Variants in CNTLN observed in about 807,000 individuals in gnomAD.
CNTLN encodes centlein.
In CNTLN, 212 loss-of-function variants were observed where a neutral mutation model predicts 180.0. The observed-to-expected ratio is 1.18, with a 90% confidence interval of 1.05 to 1.32. The LOEUF is 1.32. CNTLN is among the 40% of genes most tolerant of loss of function. The probability of loss-of-function intolerance (pLI) is 0.00; values close to 1 mark genes in which losing one functional copy is unlikely to be tolerated. For synonymous variants in CNTLN, 722 were observed against 563.1 expected, an observed-to-expected ratio of 1.28 and a Z score of -3.99; for missense variants, 2,095 against 1,610.9, an observed-to-expected ratio of 1.30 and a Z score of -5.14.
chr9:17,170,841 A>C (rs759701386), intron 2 of CNTLN, among the ~76,000 whole-genome samples: 2 of 152,280 alleles, frequency 1.3e-5, no homozygotes, highest in Non-Finnish European at 2.9e-5. Context: ...ATAAGATTAT[A>C]ATACCGTATT....
chr9:17,298,511 A>G, intron 7 of CNTLN, 159 bp downstream of exon 7: 1 of 1,320,214 alleles, frequency 7.6e-7, no homozygotes. Context: ...ATTTGATAAC[A>G]TTTAAAATTT....
chr9:17,367,337 A>C (rs564348481), intron 13 of CNTLN, among the ~76,000 whole-genome samples: 2 of 152,282 alleles, frequency 1.3e-5, no homozygotes, highest in South Asian at 2.1e-4. Flanking sequence ...CACCCATCCC[A>C]GTGGTTGGAA....
intron 8 of CNTLN, 152 bp from the exon 9 acceptor site, chr9:17,330,480 G>C (rs111902410): frequency 1.4e-5 from 6 of 442,240 alleles, no homozygotes; most frequent in African/African-American, 6.2e-5. Flanking sequence ...GAATGAAAAG[G>C]TTCAGCTCCT....
chr9:17,386,563 T>C lies in CNTLN; in HGVS notation c.1988-1599T>C, dbSNP rs72705775. 2.9e-3 allele frequency among the ~76,000 whole-genome samples: 438 copies of C among 152,248 alleles called. 1 individual carries two copies. The highest frequency in any genetic ancestry group is 4.4e-3 in the South Asian group (21 of 4,818). On this transcript the variant is annotated intron_variant, in intron 13 of 25. Transcript: ENST00000380647. ...AGAAAGAGAATCAAGGGCCAGAAAA[T>C]TGGATCCTTGTTTCTTTCCATGGCA...
At chr9:17,267,832 G>C (rs188298986) in intron 5 of CNTLN, among the ~76,000 whole-genome samples, 1 of 151,952 alleles carries the variant, frequency 6.6e-6, no homozygotes, top group Non-Finnish European at 1.5e-5. Flanking sequence ...TGATCGCATC[G>C]GCTAATGAGG....
At chr9:17,404,756 G>A (rs1010963461) in intron 15 of CNTLN, among the ~76,000 whole-genome samples, 1 of 51,850 alleles carries the variant, frequency 1.9e-5, no homozygotes, top group Non-Finnish European at 4.2e-5. Context: ...TTTTTTTTTT[G>A]AGACAGAGTC....
At chr9:17,185,573 T>C (rs1004778588) in intron 2 of CNTLN, among the ~76,000 whole-genome samples, 1 of 152,176 alleles carries the variant, frequency 6.6e-6, no homozygotes, top group Non-Finnish European at 1.5e-5. Context: ...TCCCTGTTAA[T>C]ATCTCTTGGT....
intron 22 of CNTLN, 95 bp downstream of exon 22, chr9:17,466,213 A>C (rs927824015): frequency 1.0e-5 from 11 of 1,060,136 alleles, no homozygotes; most frequent in Non-Finnish European, 1.4e-5. Context: ...CCAAAACCAC[A>C]AGCTACTTAA....
intron 2 of CNTLN, among the ~76,000 whole-genome samples, chr9:17,162,416 G>A (rs368132781): frequency 5.3e-5 from 8 of 152,098 alleles, no homozygotes; most frequent in African/African-American, 9.7e-5. Flanking sequence ...ACCCAGCCTC[G>A]TCTTGCTTTC....
intron 6 of CNTLN, among the ~76,000 whole-genome samples, chr9:17,279,251 A>G (rs1229893490): frequency 6.6e-6 from 1 of 152,136 alleles, no homozygotes; most frequent in Non-Finnish European, 1.5e-5. Context: ...GTGAACACAG[A>G]TGTTTAGGCA....
At chr9:17,148,951 T>C (rs1440523226) in intron 2 of CNTLN, among the ~76,000 whole-genome samples, 3 of 152,194 alleles carry the variant, frequency 2.0e-5, no homozygotes, top group East Asian at 1.9e-4. Flanking sequence ...GTATTTCTCC[T>C]AATGTTATCC....
Position 17,330,807 on chromosome 9 carries a change from A to C in CNTLN, c.1517A>C (p.Lys506Thr), listed in dbSNP as rs1820595023. The C allele has an allele frequency of 6.3e-7, 1 of 1,596,474 alleles. No individual in the cohort carries two copies. The highest frequency in any genetic ancestry group is 8.5e-7 in the Non-Finnish European group (1 of 1,173,556). Residue 506 changes from lysine to threonine, a missense_variant and splice_region_variant, in exon 9 of 26, where the codon AAG (lysine) becomes ACG (threonine). By Grantham distance (78) the Lys-to-Thr change is moderately conservative. Transcript: ENST00000380647. ...ATGACAAGTGCTGAAGGAAAACATA[A>C]GGTAGGGACATTTTGTCATTTTGTG... ...SIMTSAEGKH[K>T]EPPVKRSRSL...
At chr9:17,169,482 C>T (rs1482171636) in intron 2 of CNTLN, among the ~76,000 whole-genome samples, 1 of 152,118 alleles carries the variant, frequency 6.6e-6, no homozygotes, top group Non-Finnish European at 1.5e-5. Flanking sequence ...TTTGACAAGA[C>T]CGATGTCAAG....
chr9:17,333,060 A>G (rs1377316050), intron 10 of CNTLN, among the ~76,000 whole-genome samples: 2 of 152,132 alleles, frequency 1.3e-5, no homozygotes, highest in African/African-American at 4.8e-5. Flanking sequence ...CTTCTTCTTT[A>G]TATATGATAA....
chr9:17,483,797 G>C (rs1179504896), intron 23 of CNTLN, among the ~76,000 whole-genome samples: 1 of 152,112 alleles, frequency 6.6e-6, no homozygotes, highest in Non-Finnish European at 1.5e-5. Flanking sequence ...GACCCAATTT[G>C]TCCTTCTCAA....
intron 8 of CNTLN, among the ~76,000 whole-genome samples, chr9:17,317,235 A>G (rs1819598381): frequency 6.6e-6 from 1 of 152,162 alleles, no homozygotes; most frequent in Non-Finnish European, 1.5e-5. Flanking sequence ...ATCTTTGTGT[A>G]GCTAGTGAGG....
chr9:17,242,555 C>T (rs888781285), intron 5 of CNTLN, among the ~76,000 whole-genome samples: 6 of 152,172 alleles, frequency 3.9e-5, no homozygotes, highest in East Asian at 1.9e-4. Flanking sequence ...AGGTGATCTG[C>T]CCACTTCAGC....
chr9:17,381,864 A>G (rs1251559982), intron 13 of CNTLN, among the ~76,000 whole-genome samples: 2 of 152,130 alleles, frequency 1.3e-5, no homozygotes, highest in South Asian at 4.1e-4. Flanking sequence ...TGACTACCTG[A>G]ACATGTTCTT....
rs113974231 is a variant in CNTLN, at chr9:17,320,512, G to A, written c.1342-10120G>A. ...ATGCCTTTTGTTTGTTTGTTTGTTT[G>A]TTTTTTTGAGATGGAGTTTCACTCT... On this transcript the variant is annotated intron_variant, in intron 8 of 25. Coordinates refer to ENST00000380647, the MANE Select transcript of CNTLN (RefSeq NM_017738.4). Among the ~76,000 whole-genome samples the A allele has an allele frequency of 9.1e-5, 11 of 120,506 alleles. No homozygotes were observed. In the East Asian group the frequency reaches 2.6e-3, roughly 29 times the overall value. 79.1% of individuals were successfully genotyped at this position (120,506 alleles called of 152,430 possible).
Sources: allele counts gnomAD v4.1 joint callset (sites outside exome capture counted in the v4.1 genomes callset), GRCh38; gene constraint gnomAD v4.1.1; transcripts MANE v1.5; gene names NCBI Gene and HGNC (gene_info 2026-07-23, HGNC 2026-07-21).